The following COA1 variants were observed in gnomAD, a reference collection of about 807,000 sequenced individuals.
COA1 encodes the protein cytochrome c oxidase assembly factor 1, also known as cytochrome c oxidase assembly factor 1 homolog.
A neutral mutation model predicts 16.0 loss-of-function variants in COA1; 13 were observed. That is an observed-to-expected ratio of 0.81 (90% CI 0.53 to 1.29). The LOEUF is 1.29. COA1 is among the 50% of genes most tolerant of loss of function. The pLI is 0.00. For synonymous variants in COA1, 65 were observed against 65.7 expected, an observed-to-expected ratio of 0.99 and a Z score of 0.05; for missense variants, 179 against 177.0, an observed-to-expected ratio of 1.01 and a Z score of -0.06.
At chr7:43,623,752 CCTTT>C (rs752136298) in intron 6 of COA1, 5 of 1,606,512 alleles carry the variant, frequency 3.1e-6, no homozygotes, top group Admixed American at 1.7e-5. Context: ...AGGAATATCA[CCTTT>C]CTTAGGCAAT....
At chr7:43,640,169 G>A (rs1467087393) in intron 5 of COA1, among the ~76,000 whole-genome samples, 1 of 152,222 alleles carries the variant, frequency 6.6e-6, no homozygotes, top group African/African-American at 2.4e-5. Context: ...AACCAGACAA[G>A]CAAAGCCAAT....
intron 1 of COA1, among the ~76,000 whole-genome samples, chr7:43,715,985 G>A (rs1019741961): frequency 6.6e-6 from 1 of 152,140 alleles, no homozygotes; most frequent in Non-Finnish European, 1.5e-5. Context: ...TGCCATCCAT[G>A]TAAGATAGGA....
chr7:43,681,191 T>C (rs1338598484), intron 1 of COA1, among the ~76,000 whole-genome samples: 3 of 152,204 alleles, frequency 2.0e-5, no homozygotes, highest in Non-Finnish European at 4.4e-5. Flanking sequence ...TCATCGTATA[T>C]AGGATTGACT....
rs1024672068 is a variant in COA1, at chr7:43,664,718, G to A, written c.-38-16066C>T. On this transcript the variant is annotated intron_variant, in intron 1 of 5. Transcript: ENST00000223336. ...ACCATAATCATGCCACCATACTCCA[G>A]TCTGGGTGACAGTGTGAGATACTGT... 1.4e-4 allele frequency among the ~76,000 whole-genome samples: 21 copies of A among 152,288 alleles called. No individual in the cohort carries two copies. The South Asian group carries it at 4.3e-3, about 32-fold the overall frequency.
intron 1 of COA1, 31 bp from the exon 2 acceptor site, chr7:43,648,683 CATA>C: frequency 6.4e-7 from 1 of 1,555,550 alleles, no homozygotes; most frequent in Non-Finnish European, 8.8e-7. Flanking sequence ...ACATTAAAAT[CATA>C]TTTTTAAAGC....
At chr7:43,693,550 CCTTAT>C (rs1371012055) in intron 1 of COA1, among the ~76,000 whole-genome samples, 4 of 152,040 alleles carry the variant, frequency 2.6e-5, no homozygotes, top group African/African-American at 9.7e-5. Context: ...TCCTGCCATC[CCTTAT>C]CTTTTCAATT....
chr7:43,638,742 A>AT (rs1347141538), downstream of COA1: 21 of 151,472 alleles, frequency 1.4e-4, no homozygotes, highest in African/African-American at 4.1e-4. Flanking sequence ...CGCCTGGCTA[A>AT]TTTTTTGTAT....
At chr7:43,629,654 G>A (rs967748294) in intron 6 of COA1, among the ~76,000 whole-genome samples, 1 of 152,126 alleles carries the variant, frequency 6.6e-6, no homozygotes, top group African/African-American at 2.4e-5. Context: ...ACTTTTGTTG[G>A]TAACAGTGGG....
At chr7:43,710,375 A>AAAAAAATATATAT (rs761592421) in intron 1 of COA1, among the ~76,000 whole-genome samples, 1 of 36,434 alleles carries the variant, frequency 2.7e-5, no homozygotes, top group African/African-American at 1.3e-4. Flanking sequence ...AAAAAAAAAA[A>AAAAAAATATATAT]ATATATATAT....
intron 1 of COA1, among the ~76,000 whole-genome samples, chr7:43,696,159 T>C (rs1031354304): frequency 6.6e-6 from 1 of 152,202 alleles, no homozygotes; most frequent in African/African-American, 2.4e-5. Context: ...TTGATTAAAA[T>C]TTCTTTCCAA....
At chr7:43,655,850 C>T (rs1172350173) in intron 1 of COA1, among the ~76,000 whole-genome samples, 1 of 152,120 alleles carries the variant, frequency 6.6e-6, no homozygotes, top group Admixed American at 6.5e-5. Context: ...TGGCAGTTTG[C>T]ACTCTGGCAC....
intron 4 of COA1, among the ~76,000 whole-genome samples, chr7:43,644,762 G>GATAGATGGATAGATAGATAGATAGA (rs1563228848): frequency 2.5e-5 from 2 of 80,044 alleles, no homozygotes; most frequent in Admixed American, 1.2e-4. Flanking sequence ...AGATAGATAG[G>GATAGATGGATAGATAGATAGATAGA]CAGGCAGGCA....
At chr7:43,654,880 T>G (rs2091467424) in intron 1 of COA1, among the ~76,000 whole-genome samples, 1 of 152,236 alleles carries the variant, frequency 6.6e-6, no homozygotes, top group Admixed American at 6.5e-5. Flanking sequence ...AGCCTTAGGC[T>G]TCTTCTCTGT....
chr7:43,691,054 CAAAAAAAAAAAA>C (rs1173049196), intron 1 of COA1, among the ~76,000 whole-genome samples: 1 of 40,024 alleles, frequency 2.5e-5, no homozygotes, highest in Non-Finnish European at 4.4e-5. Context: ...CTCATCACTA[CAAAAAAAAAAAA>C]AAAAAAAAAA....
intron 1 of COA1, among the ~76,000 whole-genome samples, chr7:43,659,780 A>G (rs2092242336): frequency 6.6e-6 from 1 of 151,978 alleles, no homozygotes; most frequent in African/African-American, 2.4e-5. Context: ...ATAGCCCCCC[A>G]TTCTATATTA....
At chr7:43,697,538 G>A (rs942332906) in intron 1 of COA1, among the ~76,000 whole-genome samples, 6 of 152,070 alleles carry the variant, frequency 3.9e-5, no homozygotes, top group Middle Eastern at 3.2e-3. Context: ...CGCCTGCCTC[G>A]GCTTCCCAAA....
In COA1 at chr7:43,621,807, AAT is replaced by A. The variant is rs2083918416; in HGVS notation, c.*134-12314_*134-12313del. Among the ~76,000 whole-genome samples the A allele has an allele frequency of 2.6e-5, 4 of 152,302 alleles. No individual in the cohort carries two copies. The South Asian group carries it at 8.3e-4, about 32-fold the overall frequency. On this transcript the variant is annotated intron_variant and NMD_transcript_variant, in intron 6 of 6. Coordinates refer to the COA1 transcript ENST00000415076. Reference sequence around the variant, plus strand: ...TCAATCCAAAAAGAAAAAAACTAAAAATGATTCAAAAGTACATAATACAGAAA... The same window carrying A: ...TCAATCCAAAAAGAAAAAAACTAAAAGATTCAAAAGTACATAATACAGAAA...
At chr7:43,697,117 TCAAAAAACAAAAAA>T (rs1056870691) in intron 1 of COA1, among the ~76,000 whole-genome samples, 2 of 148,748 alleles carry the variant, frequency 1.3e-5, no homozygotes, top group Admixed American at 6.7e-5. Context: ...AGACTCCATC[TCAAAAAACAAAAAA>T]CAAAAAACAA....
Position 43,712,839 on chromosome 7 carries a change from T to C in COA1, c.-39+16590A>G, listed in dbSNP as rs1015087763. On this transcript the variant is annotated intron_variant, in intron 1 of 5. Coordinates refer to ENST00000223336, the MANE Select transcript of COA1 (RefSeq NM_018224.4). The stretch of plus-strand genomic sequence containing the variant: ...AAAGATTTTCATTTCCACTATCATG[T>C]TTTAAACTTTTTTCATTTTCTAGCT... Among the ~76,000 whole-genome samples, 54 of 152,324 alleles carry C rather than the reference T, an allele frequency of 3.5e-4. 2 individuals carry two copies. The highest frequency in any genetic ancestry group is 1.9e-4 in the Non-Finnish European group (13 of 68,042).
Sources: gnomAD v4.1 joint callset for allele counts (sites outside exome capture counted in the v4.1 genomes callset) on GRCh38, gnomAD v4.1.1 for gene constraint, MANE v1.5 for transcripts, NCBI Gene and HGNC (gene_info 2026-07-23, HGNC 2026-07-21) for gene names.